The following EEF1AKMT1 variants were observed in gnomAD, a reference collection of about 807,000 sequenced individuals.
EEF1AKMT1 encodes EEF1A lysine methyltransferase 1, also known as N-6 adenine-specific DNA methyltransferase 2 (putative).
EEF1AKMT1 carries 18 observed loss-of-function variants against 21.0 expected under a neutral mutation model. The ratio of observed to expected loss-of-function variants is 0.86; its 90% confidence interval spans 0.59 to 1.27. EEF1AKMT1 has a LOEUF of 1.27. EEF1AKMT1 is among the 50% of genes most tolerant of loss of function. The pLI, the probability that EEF1AKMT1 is intolerant of heterozygous loss-of-function variation, is 0.00. For synonymous variants in EEF1AKMT1, 109 were observed against 94.8 expected (o/e 1.15, Z -0.87); for missense variants, 246 against 258.6 (o/e 0.95, Z 0.33).
chr13:20,760,452 C>T (rs913220882), intron 1 of EEF1AKMT1, among the ~76,000 whole-genome samples: 1 of 152,122 alleles, frequency 6.6e-6, no homozygotes, highest in African/African-American at 2.4e-5. Flanking sequence ...AAACCAAATA[C>T]CACATGCTCT....
At chr13:20,739,164 C>T (rs148126963) in intron 2 of EEF1AKMT1, among the ~76,000 whole-genome samples, 11 of 151,560 alleles carry the variant, frequency 7.3e-5, no homozygotes, top group South Asian at 4.2e-4. Context: ...TCCTCCCATC[C>T]GAAGTTGTTC....
At position 20,739,216 on chromosome 13, in the gene EEF1AKMT1, G is replaced by A. The variant is rs117531870; in HGVS notation, c.145-1411C>T. On this transcript the variant is annotated intron_variant, in intron 2 of 4. Coordinates refer to ENST00000382758, the MANE Select transcript of EEF1AKMT1 (RefSeq NM_001318939.2). Reference sequence around the variant, plus strand: ...TGGTAACTTCGCTGGTTTCAGGAGTGAAGCTGGAGACCTTCACGGTGAGTG... The same window carrying A: ...TGGTAACTTCGCTGGTTTCAGGAGTAAAGCTGGAGACCTTCACGGTGAGTG... 2.7e-3 allele frequency among the ~76,000 whole-genome samples: 413 copies of A among 152,302 alleles called. 1 individual carries two copies. Among genetic ancestry groups the A allele is most frequent in the Admixed American group, 7.9e-3 (121 of 15,306 alleles).
intron 2 of EEF1AKMT1, among the ~76,000 whole-genome samples, chr13:20,745,569 G>C (rs757847376): frequency 2.0e-5 from 3 of 152,152 alleles, no homozygotes; most frequent in African/African-American, 2.4e-5. Context: ...CAAGATGGCA[G>C]GCCAGGCACG....
At chr13:20,741,921 G>A (rs1205659178) in intron 2 of EEF1AKMT1, among the ~76,000 whole-genome samples, 1 of 152,114 alleles carries the variant, frequency 6.6e-6, no homozygotes, top group Non-Finnish European at 1.5e-5. Context: ...AGACATCATA[G>A]CTGAGTTTCT....
intron 2 of EEF1AKMT1, among the ~76,000 whole-genome samples, chr13:20,743,142 C>CT (rs2058881879): frequency 6.6e-6 from 1 of 152,130 alleles, no homozygotes; most frequent in Non-Finnish European, 1.5e-5. Context: ...TCTCAGCTCA[C>CT]TACAACCTCC....
chr13:20,770,036 A>C (rs1393592934), intron 1 of EEF1AKMT1, among the ~76,000 whole-genome samples: 1 of 152,256 alleles, frequency 6.6e-6, no homozygotes, highest in African/African-American at 2.4e-5. Context: ...TAACTAGAGG[A>C]ATTAAAAGCA....
intron 1 of EEF1AKMT1, among the ~76,000 whole-genome samples, chr13:20,765,419 T>TTTTTTTTG (rs1566539287): frequency 7.6e-6 from 1 of 131,742 alleles, no homozygotes; most frequent in African/African-American, 2.9e-5. Flanking sequence ...TTTTTTTTTT[T>TTTTTTTTG]TTTTTTTTTT....
chr13:20,748,262 C>T (rs1410383347), intron 2 of EEF1AKMT1, among the ~76,000 whole-genome samples: 1 of 152,022 alleles, frequency 6.6e-6, no homozygotes, highest in Admixed American at 6.6e-5. Context: ...GGTGAAACCC[C>T]GTCTCTACTA....
intron 1 of EEF1AKMT1, among the ~76,000 whole-genome samples, chr13:20,767,145 A>T (rs1249313712): frequency 6.6e-6 from 1 of 151,674 alleles, no homozygotes; most frequent in Non-Finnish European, 1.5e-5. Context: ...TCTCCACTAA[A>T]AATACAAAAA....
At chr13:20,744,853 AT>A (rs946580666) in intron 2 of EEF1AKMT1, among the ~76,000 whole-genome samples, 11 of 152,026 alleles carry the variant, frequency 7.2e-5, no homozygotes, top group Non-Finnish European at 1.3e-4. Context: ...TCTTCAGTTA[AT>A]TTTTTTATAA....
chr13:20,759,877 A>C (rs918261604), intron 1 of EEF1AKMT1, among the ~76,000 whole-genome samples: 8 of 152,016 alleles, frequency 5.3e-5, no homozygotes, highest in Admixed American at 3.9e-4. Flanking sequence ...GGCCAAGGCC[A>C]GTGGATCACG....
intron 3 of EEF1AKMT1, among the ~76,000 whole-genome samples, chr13:20,735,409 C>T (rs947368355): frequency 2.0e-5 from 3 of 152,112 alleles, no homozygotes; most frequent in Non-Finnish European, 4.4e-5. Context: ...CCAGGCACAG[C>T]GGTTGATGAT....
chr13:20,772,980 C>T (rs181622336), intron 1 of EEF1AKMT1, among the ~76,000 whole-genome samples: 35 of 152,216 alleles, frequency 2.3e-4, no homozygotes, highest in African/African-American at 7.9e-4. Context: ...GAGCAAGGCT[C>T]CCTCTATGAA....
intron 2 of EEF1AKMT1, among the ~76,000 whole-genome samples, chr13:20,753,817 G>A (rs1246408472): frequency 9.2e-5 from 14 of 151,954 alleles, no homozygotes; most frequent in Non-Finnish European, 2.9e-5. Flanking sequence ...CTTTACAGGT[G>A]AGATGAGTTT....
intron 2 of EEF1AKMT1, among the ~76,000 whole-genome samples, chr13:20,739,888 G>A (rs2058859561): frequency 6.6e-6 from 1 of 152,246 alleles, no homozygotes; most frequent in Non-Finnish European, 1.5e-5. Context: ...TCCAGCACTG[G>A]GGCCACAGGC....
chr13:20,767,435 G>A (rs1452989331), intron 1 of EEF1AKMT1, among the ~76,000 whole-genome samples: 1 of 150,762 alleles, frequency 6.6e-6, no homozygotes, highest in African/African-American at 2.4e-5. Context: ...TTTTGTTTCT[G>A]ATAATGTCTG....
chr13:20,744,868 G>A (rs2058893948), intron 2 of EEF1AKMT1, among the ~76,000 whole-genome samples: 3 of 152,252 alleles, frequency 2.0e-5, no homozygotes, highest in South Asian at 4.2e-4. Flanking sequence ...TTTATAAGGT[G>A]TAAGGAAGGG....
chr13:20,770,078 A>G (rs984649423), intron 1 of EEF1AKMT1, among the ~76,000 whole-genome samples: 1 of 152,224 alleles, frequency 6.6e-6, no homozygotes, highest in Non-Finnish European at 1.5e-5. Context: ...ATCAGCAAGC[A>G]TGAATATAGG....
chr13:20,757,722 G>T, intron 1 of EEF1AKMT1, 105 bp from the exon 2 acceptor site: 1 of 875,708 alleles, frequency 1.1e-6, no homozygotes, highest in Non-Finnish European at 1.7e-6. Flanking sequence ...AAACTGAAGT[G>T]AGTTTTATAC....
Sources: gnomAD v4.1 joint callset for allele counts (sites outside exome capture counted in the v4.1 genomes callset) on GRCh38, gnomAD v4.1.1 for gene constraint, MANE v1.5 for transcripts, NCBI Gene and HGNC (gene_info 2026-07-23, HGNC 2026-07-21) for gene names.